SLC35B4: variants seen among roughly 807,000 people sequenced by gnomAD.
SLC35B4 encodes nucleotide sugar transporter SLC35B4.
Under a neutral mutation model 39.5 loss-of-function variants are expected in SLC35B4, and 28 were observed. The ratio of observed to expected loss-of-function variants is 0.71; its 90% CI spans 0.53 to 0.97. The LOEUF (loss-of-function observed/expected upper bound fraction) is 0.97, where lower values mean the gene tolerates loss of function less well. Among genes scored for constraint, SLC35B4 ranks in the 50% least tolerant of loss-of-function variants. The probability of loss-of-function intolerance (pLI) is 0.00; values close to 1 mark genes in which losing one functional copy is unlikely to be tolerated. For synonymous variants in SLC35B4, 145 were observed against 150.4 expected (o/e 0.96, Z 0.26); for missense variants, 334 against 414.3 (o/e 0.81, Z 1.68).
At chr7:134,307,362 C>A (rs1803733762) in intron 2 of SLC35B4, among the ~76,000 whole-genome samples, 1 of 151,320 alleles carries the variant, frequency 6.6e-6, no homozygotes. Flanking sequence ...AATCCAGTAA[C>A]CCTAATAACT....
upstream of SLC35B4, among the ~76,000 whole-genome samples, chr7:134,319,808 G>T (rs927528321): frequency 3.3e-5 from 5 of 152,070 alleles, no homozygotes; most frequent in African/African-American, 4.8e-5. Flanking sequence ...GAAAGTTTTC[G>T]GTCTTCCTCT....
Position 134,290,851 on chromosome 7 carries a change from G to A in SLC35B4, c.*3982C>T, listed in dbSNP as rs1031773112. The A allele has an allele frequency of 7.2e-5, 11 of 152,186 alleles. No individual in the cohort carries two copies. Among genetic ancestry groups the A allele is most frequent in the Non-Finnish European group, 1.6e-4 (11 of 68,032 alleles). 9.4% of individuals were successfully genotyped at this position (152,186 alleles called of 1,614,324 possible). A position where few individuals can be genotyped will look rare whatever the true frequency, so the allele number is the denominator to read the frequency against. ...TATAATGCTATTTACTCCAGGCAAA[G>A]AGAAAATACAACAGACATAGGATCT... On this transcript the variant is annotated 3_prime_UTR_variant, in exon 10 of 10. Transcript: ENST00000378509.
chr7:134,294,342 C>A lies in SLC35B4; in HGVS notation c.*491G>T. The A allele has an allele frequency of 6.4e-6, 1 of 155,354 alleles. No individual in the cohort carries two copies. Among genetic ancestry groups the A allele is most frequent in the Non-Finnish European group, 1.4e-5 (1 of 69,890 alleles). 9.6% of individuals were successfully genotyped at this position (155,354 alleles called of 1,614,324 possible). A position where few individuals can be genotyped will look rare whatever the true frequency, so the allele number is the denominator to read the frequency against. On this transcript the variant is annotated 3_prime_UTR_variant, in exon 10 of 10. Transcript: ENST00000378509. ...GTTACTGGTGTCTCGGTTTACTTGGCCACTCCTGGTGATAGTGGTGCCTGC... is the reference window on the plus strand; with the variant it reads ...GTTACTGGTGTCTCGGTTTACTTGGACACTCCTGGTGATAGTGGTGCCTGC...
At chr7:134,303,583 T>A (rs1329303424) in intron 4 of SLC35B4, among the ~76,000 whole-genome samples, 1 of 152,186 alleles carries the variant, frequency 6.6e-6, no homozygotes, top group Non-Finnish European at 1.5e-5. Flanking sequence ...TGAAGCCTAG[T>A]AGGACAGGAC....
chr7:134,299,708 G>C, intron 7 of SLC35B4, 110 bp from the exon 8 acceptor site: 2 of 902,118 alleles, frequency 2.2e-6, no homozygotes, highest in South Asian at 3.3e-5. Flanking sequence ...GCAATACAAA[G>C]AAAAGCAAGT....
At chr7:134,296,614 G>C (rs1049298260) in intron 8 of SLC35B4, 148 bp from the exon 9 acceptor site, 53 of 585,072 alleles carry the variant, frequency 9.1e-5, no homozygotes, top group Middle Eastern at 9.0e-4. Flanking sequence ...CACTTTACTT[G>C]CCTTGACTCC....
At chr7:134,304,061 T>C (rs1803652655) in intron 4 of SLC35B4, among the ~76,000 whole-genome samples, 1 of 152,196 alleles carries the variant, frequency 6.6e-6, no homozygotes, top group Non-Finnish European at 1.5e-5. Context: ...CTGATAAGCA[T>C]CTTCTAGGGC....
chr7:134,315,654 A>C (rs1446616355), intron 1 of SLC35B4, among the ~76,000 whole-genome samples: 5 of 142,214 alleles, frequency 3.5e-5, no homozygotes, highest in South Asian at 2.1e-4. Flanking sequence ...AAAAAAAAAC[A>C]AAAAACAAAA....
intron 9 of SLC35B4, among the ~76,000 whole-genome samples, chr7:134,295,355 T>G (rs956018910): frequency 1.3e-5 from 2 of 151,990 alleles, no homozygotes; most frequent in African/African-American, 4.8e-5. Flanking sequence ...TCCAAGATAA[T>G]GACAGAGGGT....
At chr7:134,311,535 A>G (rs1265504733) in intron 1 of SLC35B4, among the ~76,000 whole-genome samples, 2 of 152,122 alleles carry the variant, frequency 1.3e-5, no homozygotes, top group African/African-American at 4.8e-5. Context: ...CATGCCTGTA[A>G]TCCCAGCTAC....
chr7:134,299,433 T>A, intron 8 of SLC35B4, 90 bp downstream of exon 8: 1 of 1,014,330 alleles, frequency 9.9e-7, no homozygotes, highest in Non-Finnish European at 1.5e-6. Flanking sequence ...TGAATAGGAT[T>A]ATGAAAAAGG....
rs1220947022 is a variant in SLC35B4, at chr7:134,304,874, T to C, written c.295-20A>G. The C allele has an allele frequency of 6.8e-6, 11 of 1,606,946 alleles. No homozygotes were observed. The highest frequency in any genetic ancestry group is 1.3e-5 in the African/African-American group (1 of 74,648). Reference sequence around the variant, plus strand: ...AGAACCCTGCAAAAGGAGACAACAGTAACAGAGAGGTTTAGTGCACTAGGA... The same window carrying C: ...AGAACCCTGCAAAAGGAGACAACAGCAACAGAGAGGTTTAGTGCACTAGGA... On this transcript the variant is annotated intron_variant, in intron 3 of 9. Transcript: ENST00000378509.
chr7:134,302,201 G>C (rs2117293705), intron 4 of SLC35B4, 91 bp from the exon 5 acceptor site: 2 of 1,061,108 alleles, frequency 1.9e-6, no homozygotes, highest in South Asian at 2.9e-5. Context: ...GTGCATGAAA[G>C]TACAAATCAC....
At chr7:134,308,511 G>A (rs957784932) in intron 2 of SLC35B4, among the ~76,000 whole-genome samples, 1 of 152,112 alleles carries the variant, frequency 6.6e-6, no homozygotes, top group African/African-American at 2.4e-5. Flanking sequence ...ATTTAGCATC[G>A]CACTGGGAAC....
In SLC35B4 at chr7:134,291,335, GATATAAATACTC is replaced by G. The variant is rs1426616045; in HGVS notation, c.*3486_*3497del. On this transcript the variant is annotated 3_prime_UTR_variant, in exon 10 of 10. Transcript: ENST00000378509. ...TGTATAACAAAATACACGCTGTGCA[GATATAAATACTC>G]TGTAAAAATCCACAAAAACATCCAG... 6.6e-6 allele frequency: 1 copy of G among 152,114 alleles called. No individual in the cohort carries two copies. The highest frequency in any genetic ancestry group is 1.5e-5 in the Non-Finnish European group (1 of 68,010). The allele number at this position is 152,114 out of a possible 1,614,324, so 9.4% of individuals were successfully genotyped here.
chr7:134,308,788 T>G (rs1665971645), intron 2 of SLC35B4, among the ~76,000 whole-genome samples: 1 of 152,226 alleles, frequency 6.6e-6, no homozygotes, highest in South Asian at 2.1e-4. Context: ...TGTTTTCTAT[T>G]TGGCCCCATG....
At chr7:134,298,158 GACTAATTTTTGAA>G (rs1398471324) in intron 8 of SLC35B4, among the ~76,000 whole-genome samples, 1 of 152,136 alleles carries the variant, frequency 6.6e-6, no homozygotes, top group Non-Finnish European at 1.5e-5. Flanking sequence ...TACACATAAA[GACTAATTTTTGAA>G]ACTTAGTTCT....
intron 8 of SLC35B4, among the ~76,000 whole-genome samples, chr7:134,298,409 G>A (rs1402618088): frequency 6.6e-6 from 1 of 152,192 alleles, no homozygotes; most frequent in East Asian, 1.9e-4. Context: ...AGGAAAGCAA[G>A]AGAAGGAAAA....
At chr7:134,301,865 G>C (rs765712340) in intron 5 of SLC35B4, 44 bp from the exon 6 acceptor site, 3 of 1,575,448 alleles carry the variant, frequency 1.9e-6, no homozygotes, top group Non-Finnish European at 2.6e-6. Flanking sequence ...GCAGAACTAC[G>C]TGCAAGGTGC....
Sources: gnomAD v4.1 joint callset for allele counts (sites outside exome capture counted in the v4.1 genomes callset) on GRCh38, gnomAD v4.1.1 for gene constraint, MANE v1.5 for transcripts, NCBI Gene and HGNC (gene_info 2026-07-23, HGNC 2026-07-21) for gene names.